Variants in TSC22D1 observed in about 807,000 individuals in gnomAD.
The protein encoded by TSC22D1 is TSC22 domain family member 1.
In TSC22D1, 9 loss-of-function variants were observed where a neutral mutation model predicts 74.2. The ratio of observed to expected loss-of-function variants is 0.12; its 90% confidence interval spans 0.07 to 0.21. TSC22D1 has a LOEUF of 0.21. Among genes scored for constraint, TSC22D1 ranks in the 10% least tolerant of loss-of-function variants. TSC22D1 has a pLI of 1.00. For synonymous variants in TSC22D1, 586 were observed against 492.5 expected, an observed-to-expected ratio of 1.19 and a Z score of -2.51; for missense variants, 1,427 against 1,304.7, an observed-to-expected ratio of 1.09 and a Z score of -1.44.
At chr13:44,510,585 T>A (rs1284698981) in intron 1 of TSC22D1, among the ~76,000 whole-genome samples, 3 of 152,056 alleles carry the variant, frequency 2.0e-5, no homozygotes, top group Non-Finnish European at 4.4e-5. Context: ...GGTACAGCCA[T>A]ATGTTTTGTT....
chr13:44,550,812 C>A (rs1024449288), intron 1 of TSC22D1, among the ~76,000 whole-genome samples: 2 of 151,498 alleles, frequency 1.3e-5, no homozygotes, highest in African/African-American at 4.9e-5. Context: ...TGTGGTGGCA[C>A]ACATCTGTGG....
At chr13:44,453,782 A>AATATATTTAGATAT (rs1360488942) in intron 1 of TSC22D1, among the ~76,000 whole-genome samples, 1 of 152,238 alleles carries the variant, frequency 6.6e-6, no homozygotes, top group Admixed American at 6.5e-5. Context: ...ACCTTCAGAC[A>AATATATTTAGATAT]ATTTATATCT....
chr13:44,440,587 C>CAAAAAAAAAAAAAAAAAAAAAAAAAA (rs67344848), intron 1 of TSC22D1, among the ~76,000 whole-genome samples: 1 of 68,266 alleles, frequency 1.5e-5, no homozygotes. Flanking sequence ...GGCTCTGTCT[C>CAAAAAAAAAAAAAAAAAAAAAAAAAA]AAAAAAAAAA....
chr13:44,546,507 GGAAA>G (rs779896307), intron 1 of TSC22D1, among the ~76,000 whole-genome samples: 1 of 152,088 alleles, frequency 6.6e-6, no homozygotes, highest in Non-Finnish European at 1.5e-5. Flanking sequence ...AGTCATGAAA[GGAAA>G]GAAAGAATGA....
chr13:44,556,489 T>C (rs1437023589), intron 1 of TSC22D1, among the ~76,000 whole-genome samples: 3 of 150,430 alleles, frequency 2.0e-5, no homozygotes, highest in East Asian at 3.9e-4. Context: ...GAGGTTGCAG[T>C]GAACCGAGAT....
intron 1 of TSC22D1, among the ~76,000 whole-genome samples, chr13:44,563,814 A>C (rs1595171516): frequency 1.3e-5 from 2 of 152,366 alleles, no homozygotes; most frequent in East Asian, 1.9e-4. Context: ...GAATTCACTT[A>C]ACCAAAACTT....
intron 1 of TSC22D1, among the ~76,000 whole-genome samples, chr13:44,535,328 C>T (rs866805596): frequency 2.0e-5 from 3 of 151,958 alleles, no homozygotes; most frequent in African/African-American, 7.2e-5. Context: ...ATCTAATTAC[C>T]TTAGATGTAC....
intron 1 of TSC22D1, among the ~76,000 whole-genome samples, chr13:44,547,109 T>C (rs2138126147): frequency 6.6e-6 from 1 of 152,180 alleles, no homozygotes; most frequent in African/African-American, 2.4e-5. Flanking sequence ...ATTATTTCAA[T>C]AGAAAATTAA....
intron 1 of TSC22D1, among the ~76,000 whole-genome samples, chr13:44,458,604 G>A (rs11620559): frequency 1.2e-4 from 19 of 152,162 alleles, no homozygotes; most frequent in Non-Finnish European, 2.2e-4. Context: ...CTGCCCAGCC[G>A]TACCTCCAGA....
At chr13:44,536,279 T>G (rs367703066) in intron 1 of TSC22D1, among the ~76,000 whole-genome samples, 3 of 151,986 alleles carry the variant, frequency 2.0e-5, no homozygotes, top group African/African-American at 7.2e-5. Context: ...GGACCCCATC[T>G]TAATGTTATT....
intron 1 of TSC22D1, among the ~76,000 whole-genome samples, chr13:44,518,115 G>C (rs1291348026): frequency 1.9e-4 from 29 of 150,006 alleles, no homozygotes. Flanking sequence ...TGGCCTCCAA[G>C]TGTTGGGATT....
At position 44,432,660 on chromosome 13, in the gene TSC22D1, C is replaced by T. The variant is rs1874145074; in HGVS notation, c.*1966G>A. 6.6e-6 allele frequency: 1 copy of T among 152,152 alleles called. No individual in the cohort carries two copies. Among genetic ancestry groups the T allele is most frequent in the African/African-American group, 2.4e-5 (1 of 41,414 alleles). The allele number at this position is 152,152 out of a possible 1,614,324, so 9.4% of individuals were successfully genotyped here. On this transcript the variant is annotated 3_prime_UTR_variant, in exon 3 of 3. Transcript: ENST00000458659. ...CATTCACCTCTCAATCTCCCACCAG[C>T]TCTAGATGAGAGAAATGAATGATTC...
Position 44,573,553 on chromosome 13 carries a change from G to A in TSC22D1, c.2522C>T (p.Pro841Leu), listed in dbSNP as rs1311649474. Residue 841 changes from proline to leucine, a missense_variant, in exon 1 of 3, where the codon CCT becomes CTT. Transcript: ENST00000458659. Reference protein sequence around the residue: ...SVTSQVSSTGPSGMPSAPTNL... With the variant: ...SVTSQVSSTGLSGMPSAPTNL... ...TGTTGGGGCAGAAGGCATTCCAGAA[G>A]GACCAGTTGAACTAACCTGACTTGT... is the stretch of plus-strand genomic sequence containing the variant. 2 of 1,614,114 alleles carry A rather than the reference G, an allele frequency of 1.2e-6. No individual in the cohort carries two copies. Among genetic ancestry groups the A allele is most frequent in the African/African-American group, 2.7e-5 (2 of 74,934 alleles).
chr13:44,517,853 A>AT (rs1438542551), intron 1 of TSC22D1, among the ~76,000 whole-genome samples: 3 of 23,260 alleles, frequency 1.3e-4, no homozygotes, highest in African/African-American at 2.0e-4. Context: ...ATATATATAT[A>AT]TATATTTTTT....
intron 1 of TSC22D1, among the ~76,000 whole-genome samples, chr13:44,550,260 C>T (rs1228981196): frequency 6.6e-6 from 1 of 152,112 alleles, no homozygotes; most frequent in Non-Finnish European, 1.5e-5. Context: ...ATTACTAGAA[C>T]TCAAGTTCTT....
chr13:44,552,785 G>A (rs1354186155), intron 1 of TSC22D1, among the ~76,000 whole-genome samples: 3 of 152,122 alleles, frequency 2.0e-5, no homozygotes, highest in East Asian at 1.9e-4. Context: ...TTAGGAGATC[G>A]AGACCATCCT....
At chr13:44,532,353 T>G (rs370761104) in intron 1 of TSC22D1, among the ~76,000 whole-genome samples, 1 of 152,184 alleles carries the variant, frequency 6.6e-6, no homozygotes, top group Admixed American at 6.5e-5. Context: ...GAAAGCGGTA[T>G]GAGTATTCCA....
At chr13:44,470,153 T>C (rs539463207) in intron 1 of TSC22D1, among the ~76,000 whole-genome samples, 25 of 152,172 alleles carry the variant, frequency 1.6e-4, no homozygotes, top group Non-Finnish European at 3.1e-4. Flanking sequence ...TTTAAAAGAT[T>C]AGAAAAATAT....
chr13:44,522,232 G>A (rs1218546514), intron 1 of TSC22D1, among the ~76,000 whole-genome samples: 4 of 152,146 alleles, frequency 2.6e-5, no homozygotes, highest in Admixed American at 2.0e-4. Context: ...GACTAAATGA[G>A]CCAAAGGTGG....
Sources: gnomAD v4.1 joint callset for allele counts (sites outside exome capture counted in the v4.1 genomes callset) on GRCh38, gnomAD v4.1.1 for gene constraint, MANE v1.5 for transcripts, NCBI Gene and HGNC (gene_info 2026-07-23, HGNC 2026-07-21) for gene names.